Variants in PXYLP1 observed in about 807,000 individuals in gnomAD.
The protein encoded by PXYLP1 is 2-phosphoxylose phosphatase 1.
In PXYLP1, 17 loss-of-function variants were observed where a neutral mutation model predicts 37.9. That is an observed-to-expected ratio of 0.45 (90% confidence interval 0.31 to 0.67). PXYLP1 has a LOEUF of 0.67. PXYLP1 is among the 30% of genes least tolerant of loss of function. The pLI is 0.07. For missense variants in PXYLP1, 511 were observed against 612.0 expected, an observed-to-expected ratio of 0.84 and a Z score of 1.74; for synonymous variants, 221 against 232.2, an observed-to-expected ratio of 0.95 and a Z score of 0.44.
Position 141,292,358 on chromosome 3 carries a change from A to G in PXYLP1, c.596A>G (p.Gln199Arg). The change falls in exon 6 of 6, where the codon CAG (glutamine) becomes CGG (arginine). Residue 199 changes from glutamine to arginine, a missense_variant. Coordinates refer to ENST00000286353, the MANE Select transcript of PXYLP1 (RefSeq NM_001037172.3). The surrounding 1 kb of genome is among the most constrained non-coding windows in gnomAD (Gnocchi z 4.3). ...KLLPNDWSAD[Q>R]LYLETTGKSR... ...CTGCCCAATGATTGGTCTGCAGACC[A>G]GCTCTATTTAGAGACCACTGGGAAA... The G allele has an allele frequency of 6.2e-7, 1 of 1,614,204 alleles. No homozygotes were observed. Among genetic ancestry groups the G allele is most frequent in the Non-Finnish European group, 8.5e-7 (1 of 1,180,046 alleles).
chr3:141,268,462 A>G (rs1941586047), intron 2 of PXYLP1, among the ~76,000 whole-genome samples: 1 of 152,120 alleles, frequency 6.6e-6, no homozygotes, highest in East Asian at 1.9e-4. Flanking sequence ...CTGCTGAGCC[A>G]AGCCACGCAG....
At chr3:141,288,815 G>C (rs1942134863) in intron 5 of PXYLP1, among the ~76,000 whole-genome samples, 1 of 152,280 alleles carries the variant, frequency 6.6e-6, no homozygotes, top group Admixed American at 6.5e-5. Context: ...AGGACCACTT[G>C]AGCCCGGGAG....
At chr3:141,274,688 C>G in intron 2 of PXYLP1, 1 of 707,466 alleles carries the variant, frequency 1.4e-6, no homozygotes, top group East Asian at 2.7e-5. Flanking sequence ...ACGCACACTC[C>G]CAGCCCTCTG....
At position 141,274,680 on chromosome 3, in the gene PXYLP1, G is replaced by A. The variant is rs879608748; in HGVS notation, c.80-3662G>A. 12 of 709,348 alleles carry A rather than the reference G, an allele frequency of 1.7e-5. No individual in the cohort carries two copies. In the Admixed American group the frequency reaches 1.8e-4, roughly 11 times the overall value. The allele number at this position is 709,348 out of a possible 1,614,324, so 43.9% of individuals were successfully genotyped here. A position where few individuals can be genotyped will look rare whatever the true frequency, so the allele number is the denominator to read the frequency against. On this transcript the variant is annotated intron_variant, in intron 2 of 5. Transcript: ENST00000286353. ...AGCGGGGGATATAAATGTGAAAGAC[G>A]CACACTCCCAGCCCTCTGGATGTTT...
intron 1 of PXYLP1, among the ~76,000 whole-genome samples, chr3:141,243,369 G>A (rs780844176): frequency 6.6e-6 from 1 of 152,170 alleles, no homozygotes; most frequent in Non-Finnish European, 1.5e-5. Context: ...CCAGTCAGGC[G>A]TATGCTGAGA....
intron 1 of PXYLP1, among the ~76,000 whole-genome samples, chr3:141,251,078 A>G (rs1380425376): frequency 6.6e-6 from 1 of 152,238 alleles, no homozygotes; most frequent in Non-Finnish European, 1.5e-5. Context: ...TCCAGAAGGG[A>G]GCCCCATGAA....
At chr3:141,243,066 C>T (rs1157977209) in intron 1 of PXYLP1, among the ~76,000 whole-genome samples, 4 of 152,110 alleles carry the variant, frequency 2.6e-5, no homozygotes, top group Non-Finnish European at 5.9e-5. Context: ...GGTCTCAGTG[C>T]CAGGGAGGGA....
At chr3:141,275,932 C>G (rs2148806523) in intron 2 of PXYLP1, among the ~76,000 whole-genome samples, 1 of 152,274 alleles carries the variant, frequency 6.6e-6, no homozygotes, top group Middle Eastern at 3.4e-3. Context: ...CCATCAACGA[C>G]AGAACACATA....
Position 141,260,235 on chromosome 3 carries a change from G to T in PXYLP1, c.60G>T (p.Val20=). The T allele has an allele frequency of 6.2e-7, 1 of 1,613,278 alleles. No homozygotes were observed. ...CCCTGGCTGCGCTGCTGGCCTTTGT[G>T]AGCCTCAGCCTGCAGTTCTGTGAGT... ...LLALAALLAF[V]SLSLQFFHLI... is the part of the protein sequence containing the mutation. Residue 20 remains valine, a synonymous_variant, in exon 2 of 6, where the codon GTG becomes GTT. Transcript: ENST00000286353.
intron 2 of PXYLP1, among the ~76,000 whole-genome samples, chr3:141,271,973 T>G (rs1172374393): frequency 1.3e-5 from 2 of 152,184 alleles, no homozygotes; most frequent in East Asian, 1.9e-4. Context: ...GACCCAGGGT[T>G]GGGGCCCTTC....
intron 1 of PXYLP1, among the ~76,000 whole-genome samples, chr3:141,253,272 C>A (rs79509564): frequency 4.3e-4 from 65 of 152,252 alleles, no homozygotes; most frequent in African/African-American, 1.5e-3. Context: ...CCAGGCAAGC[C>A]CATCCCTTGG....
chr3:141,289,507 G>C (rs1942153370), intron 5 of PXYLP1, among the ~76,000 whole-genome samples: 1 of 152,082 alleles, frequency 6.6e-6, no homozygotes, highest in Non-Finnish European at 1.5e-5. Context: ...GAGAACTGCT[G>C]CTTAGATTCT....
At chr3:141,244,605 T>A (rs1553750892) in intron 1 of PXYLP1, among the ~76,000 whole-genome samples, 1 of 147,242 alleles carries the variant, frequency 6.8e-6, no homozygotes, top group Non-Finnish European at 1.5e-5. Flanking sequence ...ATGCTGCTAC[T>A]TTTGTTTTCT....
At chr3:141,281,443 CAG>C (rs1941953936) in intron 4 of PXYLP1, among the ~76,000 whole-genome samples, 1 of 152,186 alleles carries the variant, frequency 6.6e-6, no homozygotes, top group Non-Finnish European at 1.5e-5. Context: ...CCTCTGCCCT[CAG>C]GGAGCTCAGC....
intron 4 of PXYLP1, among the ~76,000 whole-genome samples, chr3:141,283,856 T>G (rs1196784380): frequency 6.6e-6 from 1 of 151,772 alleles, no homozygotes; most frequent in Non-Finnish European, 1.5e-5. Flanking sequence ...TGGATTAGCC[T>G]TGGGGTTCAG....
At chr3:141,251,084 A>G (rs780448045) in intron 1 of PXYLP1, among the ~76,000 whole-genome samples, 32 of 152,240 alleles carry the variant, frequency 2.1e-4, no homozygotes, top group Non-Finnish European at 3.7e-4. Flanking sequence ...AGGGAGCCCC[A>G]TGAAGAGTAC....
At chr3:141,257,904 C>CAA (rs59070598) in intron 1 of PXYLP1, among the ~76,000 whole-genome samples, 31,998 of 78,928 alleles carry the variant, frequency 0.41, 7,441 homozygotes, top group Non-Finnish European at 0.57. Context: ...AACTCTGTCT[C>CAA]AAAAAAAAAA....
chr3:141,248,025 T>TTG (rs1553751216), intron 1 of PXYLP1, among the ~76,000 whole-genome samples: 1 of 125,462 alleles, frequency 8.0e-6, no homozygotes, highest in Non-Finnish European at 1.6e-5. Context: ...TTTGTTTTGT[T>TTG]TTTTTTTTTT....
At chr3:141,261,069 G>A (rs1941383860) in intron 2 of PXYLP1, among the ~76,000 whole-genome samples, 1 of 152,168 alleles carries the variant, frequency 6.6e-6, no homozygotes, top group Non-Finnish European at 1.5e-5. Flanking sequence ...GAATACTTAA[G>A]GGTTTGGTGC....
Sources: gnomAD v4.1 joint callset for allele counts (sites outside exome capture counted in the v4.1 genomes callset) on GRCh38, gnomAD v4.1.1 for gene constraint, Gnocchi (gnomAD v3.1) non-coding constraint, MANE v1.5 for transcripts, NCBI Gene and HGNC (gene_info 2026-07-23, HGNC 2026-07-21) for gene names.